The following DNM2 variants were observed in gnomAD, a reference collection of about 807,000 sequenced individuals.
The protein encoded by DNM2 is dynamin 2, also known as dynamin-2.
A neutral mutation model predicts 99.0 loss-of-function variants in DNM2; 15 were observed. The observed-to-expected ratio is 0.15, with a 90% CI of 0.10 to 0.23. The LOEUF (loss-of-function observed/expected upper bound fraction) is 0.23. DNM2 is among the 10% of genes least tolerant of loss of function. DNM2 has a pLI of 1.00. For synonymous variants in DNM2, 525 were observed against 481.2 expected (o/e 1.09, Z -1.19); for missense variants, 742 against 1,189.4 (o/e 0.62, Z 5.53).
Position 10,817,608 on chromosome 19 carries a change from G to A in DNM2, c.1672-2372G>A, listed in dbSNP as rs565246701. The A allele has an allele frequency of 1.6e-4, 52 of 329,868 alleles. No individual in the cohort carries two copies. Among genetic ancestry groups the A allele is most frequent in the Middle Eastern group, 8.8e-4 (1 of 1,138 alleles). The allele number at this position is 329,868 out of a possible 1,614,324, so 20.4% of individuals were successfully genotyped here. A position where few individuals can be genotyped will look rare whatever the true frequency, so the allele number is the denominator to read the frequency against. The stretch of plus-strand genomic sequence containing the variant: ...AGGAAACCACCACTCTTCCCGAGAC[G>A]ATCCGCTCTGTCCCTTCTGACGTGG... On this transcript the variant is annotated intron_variant, in intron 15 of 20. Coordinates refer to ENST00000389253, the MANE Select transcript of DNM2 (RefSeq NM_001005361.3). The surrounding 1 kb of genome is among the most constrained non-coding windows in gnomAD (Gnocchi z 4.6).
In DNM2 at chr19:10,796,173, A is replaced by G. The variant is rs770176751; in HGVS notation, c.1196+734A>G. On this transcript the variant is annotated intron_variant, in intron 9 of 20. Transcript: ENST00000389253. The surrounding 1 kb of genome is among the most constrained non-coding windows in gnomAD (Gnocchi z 5.6). ...CGACCTGGTTATCCAGGAGCTAATC[A>G]ATACAGTTAGGCAGTGTACCAGTAA... 6.2e-7 allele frequency: 1 copy of G among 1,614,192 alleles called. No individual in the cohort carries two copies. Among genetic ancestry groups the G allele is most frequent in the South Asian group, 1.1e-5 (1 of 91,088 alleles).
Position 10,830,158 on chromosome 19 carries a change from A to T in DNM2, c.2323A>T (p.Ile775Leu). ...TCCACAGCGCCGACCGGTGTCCAGC[A>T]TACACCCCCCTGGCCGGCCCCCAGC... ...PTPQRRPVSSIHPPGRPPAVR... is the reference protein window; with the variant it reads ...PTPQRRPVSSLHPPGRPPAVR... Residue 775 changes from isoleucine to leucine, a missense_variant, in exon 20 of 21, where the codon ATA (isoleucine) becomes TTA (leucine). Ile to Leu is a conservative substitution (Grantham distance 5). This residue lies in a region of DNM2 where 187 missense variants were observed against 218.8 expected (regional missense o/e 0.85). Coordinates refer to ENST00000389253, the MANE Select transcript of DNM2 (RefSeq NM_001005361.3). This position sits in a 1 kb window ranked among gnomAD's most constrained non-coding sequence, Gnocchi z 4.8. The T allele has an allele frequency of 6.2e-7, 1 of 1,613,664 alleles. No individual in the cohort carries two copies. The highest frequency in any genetic ancestry group is 1.1e-5 in the South Asian group (1 of 91,074).
At position 10,793,846 on chromosome 19, in the gene DNM2, G is replaced by A; in HGVS notation, c.1119G>A (p.Glu373=). 1 of 1,614,182 alleles carries A rather than the reference G, an allele frequency of 6.2e-7. No homozygotes were observed. Among genetic ancestry groups the A allele is most frequent in the Non-Finnish European group, 8.5e-7 (1 of 1,180,020 alleles). Residue 373 remains glutamate, a synonymous_variant, in exon 8 of 21, where the codon GAG becomes GAA. Coordinates refer to ENST00000389253, the MANE Select transcript of DNM2 (RefSeq NM_001005361.3). ...NRIFHERFPF[E]LVKMEFDEKD... is the part of the protein sequence containing the mutation. ...TCTTCCACGAGCGGTTCCCATTTGAGCTGGTGAAGGTAGTGCCCCCCGGGG... is the reference window on the plus strand; with the variant it reads ...TCTTCCACGAGCGGTTCCCATTTGAACTGGTGAAGGTAGTGCCCCCCGGGG...
chr19:10,816,597 T>C lies in DNM2; in HGVS notation c.1672-3383T>C, dbSNP rs1428251110. On this transcript the variant is annotated intron_variant, in intron 15 of 20. Transcript: ENST00000389253. This position sits in a 1 kb window ranked among gnomAD's most constrained non-coding sequence, Gnocchi z 4.6. Reference sequence around the variant, plus strand: ...TGGGGTAGGGTGCCCTTTCTCTTTTTCTCCCCTCTTTCCGCCTTGCAGTGA... The same window carrying C: ...TGGGGTAGGGTGCCCTTTCTCTTTTCCTCCCCTCTTTCCGCCTTGCAGTGA... Among the ~76,000 whole-genome samples the C allele has an allele frequency of 2.0e-5, 3 of 152,084 alleles. No homozygotes were observed. The highest frequency in any genetic ancestry group is 7.2e-5 in the African/African-American group (3 of 41,416).
Position 10,797,443 on chromosome 19 carries a change from C to T in DNM2, c.1260C>T (p.Leu420=), listed in dbSNP as rs754309969. The T allele has an allele frequency of 6.2e-7, 1 of 1,613,992 alleles. No individual in the cohort carries two copies. The highest frequency in any genetic ancestry group is 8.5e-7 in the Non-Finnish European group (1 of 1,179,980). The change falls in exon 10 of 21, where the codon CTC becomes CTT. Residue 420 remains leucine, a synonymous_variant. Coordinates refer to ENST00000389253, the MANE Select transcript of DNM2 (RefSeq NM_001005361.3). ...TTGTGAAAAAACAGATTGTAAAACT[C>T]AAAGAGCCGAGTTTGAAGTGTGTTG... ...EAIVKKQIVK[L]KEPSLKCVDL...
At chr19:10,799,527 G>GTT (rs1241230585) in intron 11 of DNM2, among the ~76,000 whole-genome samples, 5 of 143,468 alleles carry the variant, frequency 3.5e-5, no homozygotes, top group East Asian at 2.2e-4. Context: ...TTGTGTTGTG[G>GTT]TTTTTTGTTT....
At chr19:10,823,516 A>G (rs757409713) in intron 16 of DNM2, 16 of 456,860 alleles carry the variant, frequency 3.5e-5, no homozygotes, top group South Asian at 2.6e-4. Flanking sequence ...GTTGGTGTCG[A>G]GGGTCACATG....
chr19:10,720,678 C>A (rs1266248178), intron 1 of DNM2, among the ~76,000 whole-genome samples: 1 of 152,146 alleles, frequency 6.6e-6, no homozygotes, highest in South Asian at 2.1e-4. Flanking sequence ...TGCAGTGAGC[C>A]GTGATTGCAC....
At chr19:10,819,585 C>T (rs900022073) in intron 15 of DNM2, among the ~76,000 whole-genome samples, 5 of 152,040 alleles carry the variant, frequency 3.3e-5, no homozygotes, top group African/African-American at 1.2e-4. Flanking sequence ...AGTCAGCCAC[C>T]TAGGTCAATA....
intron 13 of DNM2, 72 bp from the exon 14 acceptor site, chr19:10,808,497 G>A (rs371017973): frequency 6.4e-6 from 10 of 1,552,104 alleles, no homozygotes; most frequent in South Asian, 2.3e-5. Context: ...TCCCCTTCAC[G>A]TCCCTTCCAT....
chr19:10,776,127 G>T (rs1186737501), intron 4 of DNM2, among the ~76,000 whole-genome samples: 1 of 152,154 alleles, frequency 6.6e-6, no homozygotes, highest in Non-Finnish European at 1.5e-5. Flanking sequence ...GGACATGGCA[G>T]TGCCCATGTT....
chr19:10,775,661 T>G lies in DNM2; in HGVS notation c.386-42T>G, dbSNP rs1439163499. ...GCTGCGGGCCTGTTTGTGCCTCCCCTCTCCTGGCTCTGAATGCCTTTCCTT... is the reference window on the plus strand; with the variant it reads ...GCTGCGGGCCTGTTTGTGCCTCCCCGCTCCTGGCTCTGAATGCCTTTCCTT... On this transcript the variant is annotated intron_variant, in intron 3 of 20. Transcript: ENST00000389253. The surrounding 1 kb of genome is among the most constrained non-coding windows in gnomAD (Gnocchi z 4.3). 6 of 1,612,600 alleles carry G rather than the reference T, an allele frequency of 3.7e-6. No individual in the cohort carries two copies. Among genetic ancestry groups the G allele is most frequent in the East Asian group, 2.2e-5 (1 of 44,866 alleles).
chr19:10,766,796 C>T (rs899615301), intron 2 of DNM2, among the ~76,000 whole-genome samples: 4 of 152,074 alleles, frequency 2.6e-5, no homozygotes, highest in African/African-American at 4.8e-5. Context: ...GCCTTGGCAG[C>T]GTGATTGCTG....
chr19:10,800,931 G>A (rs73007578), intron 11 of DNM2, among the ~76,000 whole-genome samples: 3 of 152,248 alleles, frequency 2.0e-5, no homozygotes, highest in South Asian at 2.1e-4. Context: ...GCACGTGCAC[G>A]TGTGTGTTTT....
At chr19:10,728,389 C>G (rs541686609) in intron 1 of DNM2, among the ~76,000 whole-genome samples, 2 of 152,260 alleles carry the variant, frequency 1.3e-5, no homozygotes, top group South Asian at 2.1e-4. Context: ...TGTGGGCCCT[C>G]TAGAGCCACA....
Position 10,765,367 on chromosome 19 carries a change from G to A in DNM2, c.235+5556G>A, listed in dbSNP as rs970742973. 5.3e-5 allele frequency among the ~76,000 whole-genome samples: 8 copies of A among 152,370 alleles called. No individual in the cohort carries two copies. Among genetic ancestry groups the A allele is most frequent in the South Asian group, 2.1e-4 (1 of 4,832 alleles). On this transcript the variant is annotated intron_variant, in intron 2 of 20. Transcript: ENST00000389253. The surrounding 1 kb of genome is among the most constrained non-coding windows in gnomAD (Gnocchi z 4.4). ...GAGCAGGTGCTCCGCATGCACGGCC[G>A]AGTGAACGAGCTCAAAGGGCTGGTG...
intron 1 of DNM2, among the ~76,000 whole-genome samples, chr19:10,758,485 CCCTCCTTCCTT>C: frequency 9.9e-6 from 1 of 100,840 alleles, no homozygotes; most frequent in Non-Finnish European, 2.0e-5. Context: ...TTCCTTCCCT[CCCTCCTTCCTT>C]CCTTCCTCCC....
intron 1 of DNM2, among the ~76,000 whole-genome samples, chr19:10,738,937 G>A (rs1373408400): frequency 1.3e-5 from 2 of 151,392 alleles, no homozygotes; most frequent in Non-Finnish European, 2.9e-5. Flanking sequence ...GGGAGGCCGA[G>A]GTGGGCGGAT....
chr19:10,721,428 A>C (rs941328874), intron 1 of DNM2, among the ~76,000 whole-genome samples: 1 of 152,218 alleles, frequency 6.6e-6, no homozygotes. Flanking sequence ...AAATGCTGGC[A>C]TTAAAGGTGT....
Sources: allele counts gnomAD v4.1 joint callset (sites outside exome capture counted in the v4.1 genomes callset), GRCh38; gene constraint gnomAD v4.1.1; regional missense constraint gnomAD v4.1.1; non-coding constraint Gnocchi (gnomAD v3.1); transcripts MANE v1.5; gene names NCBI Gene and HGNC (gene_info 2026-07-23, HGNC 2026-07-21).